NCR3LG1: variants seen among roughly 807,000 people sequenced by gnomAD.
NCR3LG1 encodes natural cytotoxicity triggering receptor 3 ligand 1.
NCR3LG1 carries 35 observed loss-of-function variants against 34.8 expected under a neutral mutation model. That is an observed-to-expected ratio of 1.01 (90% CI 0.77 to 1.33). NCR3LG1 has a LOEUF of 1.33. NCR3LG1 is among the 40% of genes most tolerant of loss of function. The pLI is 0.00. For missense variants in NCR3LG1, 452 were observed against 423.3 expected (o/e 1.07, Z -0.60); for synonymous variants, 173 against 163.6 (o/e 1.06, Z -0.44).
chr11:17,360,651 GA>G (rs1319189470), intron 2 of NCR3LG1, among the ~76,000 whole-genome samples: 1 of 145,998 alleles, frequency 6.8e-6, no homozygotes, highest in African/African-American at 2.5e-5. Context: ...ATCATTTGTT[GA>G]AAAGACTGTC....
Position 17,356,822 on chromosome 11 carries a change from T to C in NCR3LG1, c.242T>C (p.Phe81Ser). Reference protein sequence around the residue: ...TFDKEVKVFEFFGDHQEAFRP... With the variant: ...TFDKEVKVFESFGDHQEAFRP... ...GACAAAGAAGTCAAAGTCTTTGAAT[T>C]TTTTGGAGATCACCAAGAGGCATTC... The change falls in exon 2 of 5, where the codon TTT becomes TCT. Residue 81 changes from phenylalanine (F) to serine (S), a missense_variant. Physicochemically the swap from Phe to Ser is radical, Grantham distance 155. Coordinates refer to ENST00000338965, the MANE Select transcript of NCR3LG1 (RefSeq NM_001202439.3). The C allele has an allele frequency of 1.3e-6, 2 of 1,536,178 alleles. No homozygotes were observed. Among genetic ancestry groups the C allele is most frequent in the Non-Finnish European group, 1.7e-6 (2 of 1,146,924 alleles).
chr11:17,357,282 T>C (rs1953221657), intron 2 of NCR3LG1, among the ~76,000 whole-genome samples: 1 of 152,246 alleles, frequency 6.6e-6, no homozygotes. Context: ...CTCTCTTCTC[T>C]GGCCATCTTC....
intron 1 of NCR3LG1, among the ~76,000 whole-genome samples, chr11:17,353,023 C>A (rs539228484): frequency 2.6e-5 from 4 of 152,292 alleles, no homozygotes; most frequent in East Asian, 1.9e-4. Context: ...GCGCTCTGGG[C>A]GCCCCGAGTC....
chr11:17,351,936 C>G lies in NCR3LG1; in HGVS notation c.-34C>G. On this transcript the variant is annotated 5_prime_UTR_variant, in exon 1 of 5. Transcript: ENST00000338965. ...TTCTACCGGGCCGCCTGCTCCCACTCGGCGAAAAAAATTACACAACAGCAG... is the reference window on the plus strand; with the variant it reads ...TTCTACCGGGCCGCCTGCTCCCACTGGGCGAAAAAAATTACACAACAGCAG... 1 of 1,518,206 alleles carries G rather than the reference C, an allele frequency of 6.6e-7. No individual in the cohort carries two copies. Among genetic ancestry groups the G allele is most frequent in the Non-Finnish European group, 8.8e-7 (1 of 1,132,592 alleles). 94.0% of individuals were successfully genotyped at this position (1,518,206 alleles called of 1,614,324 possible). A position where few individuals can be genotyped will look rare whatever the true frequency, so the allele number is the denominator to read the frequency against.
Position 17,367,280 on chromosome 11 carries a change from G to C in NCR3LG1, c.693G>C (p.Arg231=). Residue 231 remains arginine (R), a synonymous_variant, in exon 3 of 5, where the codon CGG becomes CGC. Transcript: ENST00000338965. ...GGACTGTCTACCAGTGTGTGGTACGGCATGCGTCCTTGCATACCCCCTTGA... is the reference window on the plus strand; with the variant it reads ...GGACTGTCTACCAGTGTGTGGTACGCCATGCGTCCTTGCATACCCCCTTGA... ...DPGTVYQCVV[R]HASLHTPLRS... is the part of the protein sequence containing the mutation. 2 of 1,536,150 alleles carry C rather than the reference G, an allele frequency of 1.3e-6. No homozygotes were observed. The highest frequency in any genetic ancestry group is 1.7e-6 in the Non-Finnish European group (2 of 1,146,906).
Position 17,372,345 on chromosome 11 carries a change from G to A in NCR3LG1, c.1198G>A (p.Asp400Asn). ...AGTTACATCAGGCAAGTCCATAGAT[G>A]ATAATTCCACAAAGTCTGAGAAACA... ...LTVTSGKSID[D>N]NSTKSEKQTP... is the part of the protein sequence containing the mutation. Residue 400 changes from aspartate (D) to asparagine (N), a missense_variant, in exon 5 of 5, where the codon GAT (aspartate) becomes AAT (asparagine). Physicochemically the swap from Asp to Asn is conservative, Grantham distance 23 (BLOSUM62 1). Transcript: ENST00000338965. 2 of 703,056 alleles carry A rather than the reference G, an allele frequency of 2.8e-6. No homozygotes were observed. Among genetic ancestry groups the A allele is most frequent in the Non-Finnish European group, 5.2e-6 (2 of 385,010 alleles). The allele number at this position is 703,056 out of a possible 1,614,324, so 43.6% of individuals were successfully genotyped here.
rs1021751861 is a variant in NCR3LG1 at position 17,374,290 on chromosome 11, A to G, written c.*1778A>G. The G allele has an allele frequency of 1.3e-5, 2 of 152,150 alleles. No homozygotes were observed. The highest frequency in any genetic ancestry group is 4.8e-5 in the African/African-American group (2 of 41,428). 9.4% of individuals were successfully genotyped at this position (152,150 alleles called of 1,614,324 possible). A position where few individuals can be genotyped will look rare whatever the true frequency, so the allele number is the denominator to read the frequency against. ...GTATACCTTTATACCCTGACTCCCAATACTTGTTTACCTTTGAAGACCCCT... is the reference window on the plus strand; with the variant it reads ...GTATACCTTTATACCCTGACTCCCAGTACTTGTTTACCTTTGAAGACCCCT... On this transcript the variant is annotated 3_prime_UTR_variant, in exon 5 of 5. Coordinates refer to ENST00000338965, the MANE Select transcript of NCR3LG1 (RefSeq NM_001202439.3).
downstream of NCR3LG1, among the ~76,000 whole-genome samples, chr11:17,379,383 C>T (rs901487423): frequency 9.2e-5 from 14 of 152,364 alleles, no homozygotes; most frequent in African/African-American, 3.4e-4. Flanking sequence ...CAATCCTACA[C>T]CCTTCCCTGA....
chr11:17,367,277 A>G lies in NCR3LG1; in HGVS notation c.690A>G (p.Val230=), dbSNP rs1953355865. Residue 230 remains valine (V), a synonymous_variant, in exon 3 of 5, where the codon GTA becomes GTG. Coordinates refer to ENST00000338965, the MANE Select transcript of NCR3LG1 (RefSeq NM_001202439.3). ...EDPGTVYQCV[V]RHASLHTPLR... Reference sequence around the variant, plus strand: ...CTGGGACTGTCTACCAGTGTGTGGTACGGCATGCGTCCTTGCATACCCCCT... The same window carrying G: ...CTGGGACTGTCTACCAGTGTGTGGTGCGGCATGCGTCCTTGCATACCCCCT... The G allele has an allele frequency of 1.3e-6, 2 of 1,536,114 alleles. No individual in the cohort carries two copies. The highest frequency in any genetic ancestry group is 1.7e-6 in the Non-Finnish European group (2 of 1,146,944).
rs11024267 is a variant in NCR3LG1 at position 17,360,884 on chromosome 11, G to A, written c.421+3883G>A. 8.1e-3 allele frequency among the ~76,000 whole-genome samples: 1,226 copies of A among 151,882 alleles called. 16 individuals are homozygous for A. Among genetic ancestry groups the A allele is most frequent in the African/African-American group, 0.028 (1,165 of 41,450 alleles). On this transcript the variant is annotated intron_variant, in intron 2 of 4. Transcript: ENST00000338965. ...TCCGAGTAGCTTGTGCTACAGGCTC[G>A]CGCCACCGCTCCCAGCCAATTTTTG...
intron 2 of NCR3LG1, among the ~76,000 whole-genome samples, 161 bp from the exon 3 acceptor site, chr11:17,366,848 C>A (rs1424648827): frequency 6.6e-6 from 1 of 152,158 alleles, no homozygotes; most frequent in Non-Finnish European, 1.5e-5. Context: ...GACATGGTTG[C>A]AGCATTTTTA....
At chr11:17,352,837 C>G (rs1164886127) in intron 1 of NCR3LG1, among the ~76,000 whole-genome samples, 3 of 151,466 alleles carry the variant, frequency 2.0e-5, no homozygotes, top group Non-Finnish European at 4.4e-5. Flanking sequence ...GCGTGTTCTG[C>G]GTTAACTTAA....
At chr11:17,366,820 A>T (rs1240797080) in intron 2 of NCR3LG1, among the ~76,000 whole-genome samples, 189 bp from the exon 3 acceptor site, 1 of 152,166 alleles carries the variant, frequency 6.6e-6, no homozygotes, top group African/African-American at 2.4e-5. Flanking sequence ...GGTATTGTAA[A>T]TCTCCAGCTC....
chr11:17,354,192 C>T (rs764131511), intron 1 of NCR3LG1, among the ~76,000 whole-genome samples: 5 of 152,254 alleles, frequency 3.3e-5, no homozygotes, highest in Admixed American at 6.5e-5. Context: ...ACTGGAGGTT[C>T]TCTATGTAGG....
chr11:17,364,769 C>T (rs1027750027), intron 2 of NCR3LG1, among the ~76,000 whole-genome samples: 2 of 152,130 alleles, frequency 1.3e-5, no homozygotes, highest in South Asian at 2.1e-4. Flanking sequence ...TGGTCTCGAA[C>T]TCCTGACCTC....
chr11:17,356,028 T>C (rs987113443), intron 1 of NCR3LG1, among the ~76,000 whole-genome samples: 1 of 152,056 alleles, frequency 6.6e-6, no homozygotes, highest in African/African-American at 2.4e-5. Flanking sequence ...CTGGAACACC[T>C]GGGCTCAAAC....
intron 1 of NCR3LG1, among the ~76,000 whole-genome samples, chr11:17,355,614 T>C (rs113956234): frequency 6.6e-6 from 1 of 152,182 alleles, no homozygotes; most frequent in Admixed American, 6.5e-5. Flanking sequence ...AGATATATAC[T>C]GTGTGGCTTA....
In NCR3LG1 at chr11:17,356,862, T is replaced by C. The variant is rs1953215369; in HGVS notation, c.282T>C (p.Ile94=). The C allele has an allele frequency of 1.3e-6, 2 of 1,536,110 alleles. No homozygotes were observed. Among genetic ancestry groups the C allele is most frequent in the Non-Finnish European group, 1.7e-6 (2 of 1,146,882 alleles). Residue 94 remains isoleucine, a synonymous_variant, in exon 2 of 5, where the codon ATT becomes ATC. Transcript: ENST00000338965. ...DHQEAFRPGA[I]VSPWRLKSGD... ...AAGAGGCATTCCGACCTGGAGCCAT[T>C]GTGTCTCCATGGAGGCTGAAGAGTG...
chr11:17,372,356 A>C lies in NCR3LG1; in HGVS notation c.1209A>C (p.Thr403=). Residue 403 remains threonine (T), a synonymous_variant, in exon 5 of 5, where the codon ACA becomes ACC. Transcript: ENST00000338965. ...TSGKSIDDNS[T]KSEKQTPREH... ...GCAAGTCCATAGATGATAATTCCAC[A>C]AAGTCTGAGAAACAAACCCCTAGGG... 1 of 703,088 alleles carries C rather than the reference A, an allele frequency of 1.4e-6. No homozygotes were observed. Among genetic ancestry groups the C allele is most frequent in the South Asian group, 1.5e-5 (1 of 67,606 alleles). 43.6% of individuals were successfully genotyped at this position (703,088 alleles called of 1,614,324 possible).
Sources: allele counts gnomAD v4.1 joint callset (sites outside exome capture counted in the v4.1 genomes callset), GRCh38; gene constraint gnomAD v4.1.1; transcripts MANE v1.5; gene names NCBI Gene and HGNC (gene_info 2026-07-23, HGNC 2026-07-21).